PATJ: variants seen among roughly 807,000 people sequenced by gnomAD.
PATJ encodes PATJ crumbs cell polarity complex component, also known as inaD-like protein.
Under a neutral mutation model 224.9 loss-of-function variants are expected in PATJ, and 190 were observed. The ratio of observed to expected loss-of-function variants is 0.84; its 90% CI spans 0.75 to 0.95. The LOEUF (loss-of-function observed/expected upper bound fraction) is 0.95. PATJ is among the 40% of genes least tolerant of loss of function. The probability of loss-of-function intolerance (pLI) is 0.00; values close to 1 mark genes in which losing one functional copy is unlikely to be tolerated. For synonymous variants in PATJ, 769 were observed against 820.3 expected (o/e 0.94, Z 1.07); for missense variants, 2,121 against 2,270.3 (o/e 0.93, Z 1.34).
At chr1:61,794,670 G>C (rs1038397270) in intron 9 of PATJ, among the ~76,000 whole-genome samples, 13 of 151,910 alleles carry the variant, frequency 8.6e-5, no homozygotes, top group Admixed American at 5.3e-4. Flanking sequence ...ATTTGTTGTT[G>C]TTGTTGTTGT....
At chr1:61,804,856 A>G (rs1653208858) in intron 12 of PATJ, among the ~76,000 whole-genome samples, 1 of 152,180 alleles carries the variant, frequency 6.6e-6, no homozygotes, top group African/African-American at 2.4e-5. Context: ...CCAAGCAACA[A>G]AAGACTAGTG....
intron 27 of PATJ, among the ~76,000 whole-genome samples, chr1:61,929,138 C>T (rs1675648951): frequency 6.6e-6 from 1 of 152,200 alleles, no homozygotes; most frequent in African/African-American, 2.4e-5. Flanking sequence ...TGTATGTGCA[C>T]ATGTGTAATA....
At chr1:62,104,521 G>A (rs544988419) in intron 33 of PATJ, among the ~76,000 whole-genome samples, 3 of 151,666 alleles carry the variant, frequency 2.0e-5, no homozygotes, top group Non-Finnish European at 4.4e-5. Flanking sequence ...AGACTACAGG[G>A]GCACACAATA....
At chr1:62,117,453 C>A in intron 37 of PATJ, 6 of 1,349,684 alleles carry the variant, frequency 4.4e-6, no homozygotes, top group Non-Finnish European at 5.7e-6. Context: ...AAGCTCTTTT[C>A]TCTCTATTAG....
intron 31 of PATJ, among the ~76,000 whole-genome samples, chr1:62,052,932 A>C (rs1007173478): frequency 1.3e-5 from 2 of 152,182 alleles, no homozygotes; most frequent in Admixed American, 1.3e-4. Context: ...AGGTTAGGGG[A>C]AAGTCTTTTA....
At chr1:62,071,490 C>CTTTTTTT (rs747065507) in intron 31 of PATJ, among the ~76,000 whole-genome samples, 1 of 117,726 alleles carries the variant, frequency 8.5e-6, no homozygotes, top group African/African-American at 3.2e-5. Flanking sequence ...TTGTAGATCA[C>CTTTTTTT]TTTTTTTTTT....
chr1:61,957,320 A>G (rs1193079569), intron 27 of PATJ, among the ~76,000 whole-genome samples: 2 of 152,176 alleles, frequency 1.3e-5, no homozygotes, highest in Non-Finnish European at 2.9e-5. Context: ...TGGTACAATG[A>G]TATTATATAA....
intron 25 of PATJ, among the ~76,000 whole-genome samples, chr1:61,913,035 CTGT>C (rs1672922040): frequency 6.6e-6 from 1 of 152,100 alleles, no homozygotes; most frequent in African/African-American, 2.4e-5. Flanking sequence ...TGTATCGTTA[CTGT>C]TGTTTTTTAC....
At chr1:61,811,786 A>G (rs939132179) in intron 14 of PATJ, among the ~76,000 whole-genome samples, 1 of 150,398 alleles carries the variant, frequency 6.6e-6, no homozygotes, top group East Asian at 2.0e-4. Flanking sequence ...TCTAGGCTGG[A>G]CGCGGTGGCT....
chr1:62,037,944 T>C lies in PATJ; in HGVS notation c.3960-33T>C, dbSNP rs562258022. On this transcript the variant is annotated intron_variant, in intron 29 of 43. Transcript: ENST00000642238. ...TGAGCCAGGAACTTAGCATTTACTGTGTACTGATTCTGCCTATTTTAACAC... is the reference window on the plus strand; with the variant it reads ...TGAGCCAGGAACTTAGCATTTACTGCGTACTGATTCTGCCTATTTTAACAC... The C allele has an allele frequency of 1.9e-5, 28 of 1,463,902 alleles. No individual in the cohort carries two copies. The South Asian group carries it at 2.8e-4, about 14-fold the overall frequency. 90.7% of individuals were successfully genotyped at this position (1,463,902 alleles called of 1,614,324 possible).
At chr1:62,082,984 T>C (rs1286796175) in intron 32 of PATJ, among the ~76,000 whole-genome samples, 1 of 152,182 alleles carries the variant, frequency 6.6e-6, no homozygotes, top group Admixed American at 6.5e-5. Context: ...GAAACAATAC[T>C]CATGGTGATC....
chr1:61,817,668 T>C lies in PATJ; in HGVS notation c.1684-5277T>C, dbSNP rs564683443. Among the ~76,000 whole-genome samples the C allele has an allele frequency of 2.6e-5, 4 of 152,184 alleles. No individual in the cohort carries two copies. The East Asian group carries it at 7.7e-4, about 29-fold the overall frequency. On this transcript the variant is annotated intron_variant, in intron 14 of 43. Coordinates refer to ENST00000642238, the MANE Select transcript of PATJ (RefSeq NM_001350145.3). Reference sequence around the variant, plus strand: ...AAGAGCGAAACTCTGTCTCAAAAAATATAAAATAAAATAAAATTTTGGAAG... The same window carrying C: ...AAGAGCGAAACTCTGTCTCAAAAAACATAAAATAAAATAAAATTTTGGAAG...
chr1:61,983,179 C>T (rs576635189), intron 27 of PATJ, among the ~76,000 whole-genome samples: 1 of 151,980 alleles, frequency 6.6e-6, no homozygotes, highest in Admixed American at 6.5e-5. Context: ...AAGGGCTGGA[C>T]CTGTCATCTT....
At chr1:62,114,385 G>A in intron 35 of PATJ, 139 bp downstream of exon 35, 4 of 798,484 alleles carry the variant, frequency 5.0e-6, no homozygotes, top group Non-Finnish European at 7.8e-6. Flanking sequence ...TTGACAACAT[G>A]GGTCATATTT....
At chr1:62,140,974 G>A (rs1203796894) in intron 41 of PATJ, among the ~76,000 whole-genome samples, 1 of 151,854 alleles carries the variant, frequency 6.6e-6, no homozygotes, top group Non-Finnish European at 1.5e-5. Flanking sequence ...AGGAAGTGGG[G>A]GTGAGGTGGT....
At chr1:61,821,932 C>T (rs937497875) in intron 14 of PATJ, among the ~76,000 whole-genome samples, 1 of 152,154 alleles carries the variant, frequency 6.6e-6, no homozygotes, top group Admixed American at 6.5e-5. Flanking sequence ...TCTCTTTACT[C>T]GACATTGGCT....
intron 7 of PATJ, among the ~76,000 whole-genome samples, chr1:61,783,806 G>A (rs574997293): frequency 2.1e-5 from 3 of 141,462 alleles, no homozygotes; most frequent in Non-Finnish European, 4.5e-5. Flanking sequence ...GGAGTGCAGT[G>A]GTATGATTTT....
At chr1:61,769,209 A>G in intron 4 of PATJ, 74 bp from the exon 5 acceptor site, 2 of 1,463,322 alleles carry the variant, frequency 1.4e-6, no homozygotes, top group South Asian at 1.3e-5. Context: ...ATGCTAAGCA[A>G]TTTCAGTTCT....
intron 27 of PATJ, among the ~76,000 whole-genome samples, chr1:61,931,703 T>G (rs527848833): frequency 1.2e-4 from 18 of 152,284 alleles, no homozygotes; most frequent in African/African-American, 4.1e-4. Context: ...GGTGGAAGTT[T>G]CAGTGAGCCA....
Sources: allele counts gnomAD v4.1 joint callset (sites outside exome capture counted in the v4.1 genomes callset), GRCh38; gene constraint gnomAD v4.1.1; transcripts MANE v1.5; gene names NCBI Gene and HGNC (gene_info 2026-07-23, HGNC 2026-07-21).